The following ABCA13 variants were observed in gnomAD, a reference collection of about 807,000 sequenced individuals.
ABCA13 encodes ATP-binding cassette sub-family A member 13.
A neutral mutation model predicts 478.7 loss-of-function variants in ABCA13; 476 were observed. The observed-to-expected ratio is 0.99, with a 90% CI of 0.92 to 1.07. The LOEUF is 1.07. Ranked by LOEUF, ABCA13 falls within the 50% of genes least tolerant of loss-of-function variation. The probability of loss-of-function intolerance (pLI) is 0.00; values close to 1 mark genes in which losing one functional copy is unlikely to be tolerated. For missense variants in ABCA13, 6,060 were observed against 5,910.6 expected (o/e 1.03, Z -0.83); for synonymous variants, 2,252 against 2,158.9 (o/e 1.04, Z -1.20).
chr7:48,239,890 C>A (rs1312633211), intron 9 of ABCA13, among the ~76,000 whole-genome samples: 1 of 152,218 alleles, frequency 6.6e-6, no homozygotes, highest in Non-Finnish European at 1.5e-5. Context: ...TCTAGTCTGT[C>A]TTTATAGGGA....
At chr7:48,639,876 A>G (rs1794983067) in intron 59 of ABCA13, among the ~76,000 whole-genome samples, 1 of 152,216 alleles carries the variant, frequency 6.6e-6, no homozygotes, top group African/African-American at 2.4e-5. Context: ...AGAGTATGAG[A>G]CATTAGTATG....
chr7:48,515,868 C>T (rs1437763260), intron 51 of ABCA13, among the ~76,000 whole-genome samples: 1 of 152,038 alleles, frequency 6.6e-6, no homozygotes, highest in Non-Finnish European at 1.5e-5. Flanking sequence ...ATTATTCCTG[C>T]CTTCCTGATG....
At chr7:48,548,199 G>A (rs1162288118) in intron 55 of ABCA13, among the ~76,000 whole-genome samples, 1 of 151,754 alleles carries the variant, frequency 6.6e-6, no homozygotes, top group Non-Finnish European at 1.5e-5. Context: ...TTATCCTATA[G>A]GAATACATAT....
At chr7:48,214,742 T>C (rs181094516) in intron 3 of ABCA13, among the ~76,000 whole-genome samples, 2 of 152,212 alleles carry the variant, frequency 1.3e-5, no homozygotes, top group African/African-American at 4.8e-5. Flanking sequence ...TTCATAGAAC[T>C]AAAGAGAATT....
intron 41 of ABCA13, among the ~76,000 whole-genome samples, chr7:48,417,914 A>G (rs1051690740): frequency 6.6e-6 from 1 of 152,186 alleles, no homozygotes; most frequent in Non-Finnish European, 1.5e-5. Flanking sequence ...TGAATGTTGC[A>G]GAGTTGGGAA....
At chr7:48,346,520 GC>G (rs1259886079) in intron 29 of ABCA13, among the ~76,000 whole-genome samples, 1 of 147,004 alleles carries the variant, frequency 6.8e-6, no homozygotes, top group African/African-American at 2.5e-5. Context: ...AAAAAAAAAA[GC>G]CCCCCACAAT....
At position 48,171,513 on chromosome 7, in the gene ABCA13, C is replaced by G; in HGVS notation, c.30C>G (p.Ala10=). 1 of 1,536,292 alleles carries G rather than the reference C, an allele frequency of 6.5e-7. No individual in the cohort carries two copies. The highest frequency in any genetic ancestry group is 8.7e-7 in the Non-Finnish European group (1 of 1,146,890). MGHAGCQFK[A]LLWKNWLCRL... ...GGCATGCCGGGTGCCAGTTCAAAGC[C>G]CTGCTGTGGAAGAATTGGCTCTGCA... is the stretch of plus-strand genomic sequence containing the variant. The change falls in exon 1 of 62, where the codon GCC becomes GCG. Residue 10 remains alanine (A), a synonymous_variant. Transcript: ENST00000435803.
In ABCA13 at chr7:48,229,863, T is replaced by A; in HGVS notation, c.671T>A (p.Leu224His). Residue 224 changes from leucine (L) to histidine (H), a missense_variant, in exon 7 of 62, where the codon CTC becomes CAC. This residue lies in a region of ABCA13 where 4,423 missense variants were observed against 4,309.1 expected (regional missense o/e 1.03). Transcript: ENST00000435803. ...ISLEDLDWLP[L>H]NQTFSQVSEL... ...CTAGAAGATTTAGATTGGCTTCCAC[T>A]CAACCAAACTTTTTCCCAGGTTTCT... 1 of 1,614,032 alleles carries A rather than the reference T, an allele frequency of 6.2e-7. No homozygotes were observed.
At chr7:48,361,479 C>T (rs1378666354) in intron 31 of ABCA13, among the ~76,000 whole-genome samples, 1 of 151,538 alleles carries the variant, frequency 6.6e-6, no homozygotes, top group Non-Finnish European at 1.5e-5. Context: ...CTCAAAGAAC[C>T]CTATTTGGAC....
intron 58 of ABCA13, 142 bp downstream of exon 58, chr7:48,594,955 C>G: frequency 1.4e-6 from 1 of 722,032 alleles, no homozygotes; most frequent in Non-Finnish European, 2.3e-6. Flanking sequence ...TATTGTTAGC[C>G]CTCATTGTAT....
intron 15 of ABCA13, among the ~76,000 whole-genome samples, chr7:48,258,820 AT>A: frequency 1.3e-5 from 2 of 152,178 alleles, no homozygotes; most frequent in African/African-American, 4.8e-5. Flanking sequence ...CTTTGTTCTC[AT>A]TAGTTTTCTA....
At chr7:48,330,481 A>ATCCG (rs1159229112) in intron 27 of ABCA13, among the ~76,000 whole-genome samples, 7 of 119,052 alleles carry the variant, frequency 5.9e-5, no homozygotes, top group African/African-American at 2.2e-4. Context: ...TTGTCCATCC[A>ATCCG]TCCGTCCATC....
intron 28 of ABCA13, 88 bp from the exon 29 acceptor site, chr7:48,338,277 A>T: frequency 1.0e-6 from 1 of 962,140 alleles, no homozygotes; most frequent in Non-Finnish European, 1.4e-6. Context: ...GTTCCTTTGT[A>T]ATGAAACTTT....
At chr7:48,637,780 GA>G (rs1488047611) in intron 59 of ABCA13, among the ~76,000 whole-genome samples, 1 of 151,800 alleles carries the variant, frequency 6.6e-6, no homozygotes, top group Non-Finnish European at 1.5e-5. Flanking sequence ...AAGAACAAAG[GA>G]AAAAAACAAT....
In ABCA13 at chr7:48,612,814, A is replaced by G. The variant is rs185805952; in HGVS notation, c.14745-2471A>G. The stretch of plus-strand genomic sequence containing the variant: ...GCCAATTTTTACTCCCACCAGCAAT[A>G]TATGAGATGACATATTGAGAATTAC... On this transcript the variant is annotated intron_variant, in intron 58 of 61. Coordinates refer to ENST00000435803, the MANE Select transcript of ABCA13 (RefSeq NM_152701.5). 2.4e-3 allele frequency among the ~76,000 whole-genome samples: 360 copies of G among 152,248 alleles called. 2 individuals are homozygous for G. Among genetic ancestry groups the G allele is most frequent in the Non-Finnish European group, 4.6e-3 (313 of 68,008 alleles).
intron 15 of ABCA13, among the ~76,000 whole-genome samples, chr7:48,250,063 A>C (rs1482133402): frequency 6.6e-6 from 1 of 152,010 alleles, no homozygotes; most frequent in East Asian, 1.9e-4. Context: ...TGTGTTCAGT[A>C]ATTTGCTGGT....
chr7:48,272,299 A>G lies in ABCA13; in HGVS notation c.2633A>G (p.His878Arg), dbSNP rs188693387. Residue 878 changes from histidine (H) to arginine (R), a missense_variant, in exon 17 of 62, where the codon CAT (histidine) becomes CGT (arginine). Transcript: ENST00000435803. ...AGTTTTAACTTTTCCCAGTTGTTCC[A>G]TTCAGATTGGCCTAAATCACCAGCT... is the stretch of plus-strand genomic sequence containing the variant. ...STSFNFSQLF[H>R]SDWPKSPAMN... 1 of 1,613,770 alleles carries G rather than the reference A, an allele frequency of 6.2e-7. No homozygotes were observed. The highest frequency in any genetic ancestry group is 1.1e-5 in the South Asian group (1 of 91,074).
At chr7:48,334,163 AT>A (rs1248513174) in intron 27 of ABCA13, among the ~76,000 whole-genome samples, 1 of 152,006 alleles carries the variant, frequency 6.6e-6, no homozygotes, top group African/African-American at 2.4e-5. Flanking sequence ...GTTTTTAAAG[AT>A]TTTACAGATC....
chr7:48,251,998 C>T (rs185674995), intron 15 of ABCA13, among the ~76,000 whole-genome samples: 11 of 152,210 alleles, frequency 7.2e-5, no homozygotes, highest in African/African-American at 2.2e-4. Flanking sequence ...GAGGTGGCTT[C>T]GTATGGGTCT....
Sources: gnomAD v4.1 joint callset for allele counts (sites outside exome capture counted in the v4.1 genomes callset) on GRCh38, gnomAD v4.1.1 for gene constraint, gnomAD v4.1.1 regional missense constraint, MANE v1.5 for transcripts, NCBI Gene and HGNC (gene_info 2026-07-23, HGNC 2026-07-21) for gene names.